LCA5: variants seen among roughly 807,000 people sequenced by gnomAD.
LCA5 encodes the protein lebercilin.
A neutral mutation model predicts 53.0 loss-of-function variants in LCA5; 37 were observed. The ratio of observed to expected loss-of-function variants is 0.70; its 90% CI spans 0.54 to 0.92. The LOEUF is 0.92. Among genes scored for constraint, LCA5 ranks in the 40% least tolerant of loss-of-function variants. The pLI is 0.00. For missense variants in LCA5, 806 were observed against 790.5 expected (o/e 1.02, Z -0.23); for synonymous variants, 303 against 282.9 (o/e 1.07, Z -0.71).
chr6:79,522,217 T>G (rs903226380), intron 1 of LCA5, among the ~76,000 whole-genome samples: 3 of 151,808 alleles, frequency 2.0e-5, no homozygotes, highest in Non-Finnish European at 2.9e-5. Flanking sequence ...AGTTAACAAA[T>G]AAAAAATAAA....
chr6:79,502,618 T>C (rs1030979466), intron 3 of LCA5, among the ~76,000 whole-genome samples: 1 of 152,164 alleles, frequency 6.6e-6, no homozygotes, highest in African/African-American at 2.4e-5. Flanking sequence ...TTAGTATCTT[T>C]TACAGTTTTT....
intron 3 of LCA5, among the ~76,000 whole-genome samples, chr6:79,494,419 T>C (rs1015196103): frequency 2.0e-5 from 3 of 152,154 alleles, no homozygotes; most frequent in Non-Finnish European, 4.4e-5. Flanking sequence ...ATAATTCATG[T>C]TGAAATATTT....
At chr6:79,505,304 T>C (rs1252157189) in intron 3 of LCA5, among the ~76,000 whole-genome samples, 2 of 152,142 alleles carry the variant, frequency 1.3e-5, no homozygotes, top group East Asian at 3.9e-4. Flanking sequence ...GGTAAAAATA[T>C]ACATAAATAA....
chr6:79,516,552 T>C (rs1328602374), intron 2 of LCA5, among the ~76,000 whole-genome samples: 5 of 151,988 alleles, frequency 3.3e-5, no homozygotes, highest in Non-Finnish European at 1.5e-5. Context: ...CCTAAAACTC[T>C]GAGTATAAAT....
intron 3 of LCA5, among the ~76,000 whole-genome samples, chr6:79,497,950 C>T (rs1445878535): frequency 4.5e-5 from 6 of 132,640 alleles, no homozygotes; most frequent in African/African-American, 1.8e-4. Context: ...GAGTGAGACT[C>T]CATCTCAAAA....
intron 1 of LCA5, among the ~76,000 whole-genome samples, chr6:79,530,965 T>C (rs551235433): frequency 6.6e-6 from 1 of 152,266 alleles, no homozygotes; most frequent in South Asian, 2.1e-4. Flanking sequence ...AAAACTACTA[T>C]AGCTCAACAA....
chr6:79,488,240 C>T (rs1769729259), intron 7 of LCA5: 2 of 173,534 alleles, frequency 1.2e-5, no homozygotes, highest in African/African-American at 4.8e-5. Context: ...CTGAGATAGA[C>T]TTATGTGGTA....
At position 79,487,372 on chromosome 6, in the gene LCA5, A is replaced by G; in HGVS notation, c.1726T>C (p.Phe576Leu). 6.2e-7 allele frequency: 1 copy of G among 1,612,834 alleles called. No homozygotes were observed. Among genetic ancestry groups the G allele is most frequent in the South Asian group, 1.1e-5 (1 of 90,798 alleles). Residue 576 changes from phenylalanine (F) to leucine (L), a missense_variant, in exon 8 of 8, where the codon TTT becomes CTT. Phe to Leu is a conservative substitution (Grantham distance 22). Transcript: ENST00000369846. Reference protein sequence around the residue: ...RSNPFSQKSSFLDFQRNSMEK... With the variant: ...RSNPFSQKSSLLDFQRNSMEK... ...ATACTGTTTCTTTGGAAATCCAAAAAACTACTTTTTTGACTAAATGGATTT... is the reference window on the plus strand; with the variant it reads ...ATACTGTTTCTTTGGAAATCCAAAAGACTACTTTTTTGACTAAATGGATTT...
rs1265550919 is a variant in LCA5, at chr6:79,537,307, GTGCCGAGGT to G, written c.-343_-335del. The G allele has an allele frequency of 1.3e-5, 2 of 152,866 alleles. No individual in the cohort carries two copies. Among genetic ancestry groups the G allele is most frequent in the Admixed American group, 6.5e-5 (1 of 15,296 alleles). The allele number at this position is 152,866 out of a possible 1,614,324, so 9.5% of individuals were successfully genotyped here. ...GGTTCCTGCGGAGGCTGCCGGGCGG[GTGCCGAGGT>G]TGCCGAGATGCGGGAGGTTTGAACA... is the stretch of plus-strand genomic sequence containing the variant. On this transcript the variant is annotated 5_prime_UTR_variant, in exon 1 of 8. Transcript: ENST00000369846.
At position 79,513,397 on chromosome 6, in the gene LCA5, G is replaced by C; in HGVS notation, c.535C>G (p.Gln179Glu). ...TTCTCAGTTGCCCGTTCTTTCTCTT[G>C]AGATTTTCTTAAGCGTTCTTTGAGT... is the stretch of plus-strand genomic sequence containing the variant. ...TALKERLRKS[Q>E]EKERATEKRV... Residue 179 changes from glutamine (Q) to glutamate (E), a missense_variant, in exon 3 of 8, where the codon CAA becomes GAA. Physicochemically the swap from Gln to Glu is conservative, Grantham distance 29. Coordinates refer to ENST00000369846, the MANE Select transcript of LCA5 (RefSeq NM_001122769.3). 6.2e-7 allele frequency: 1 copy of C among 1,613,768 alleles called. No homozygotes were observed. Among genetic ancestry groups the C allele is most frequent in the Non-Finnish European group, 8.5e-7 (1 of 1,179,886 alleles).
rs541922253 is a variant in LCA5, at chr6:79,496,547, A to C, written c.721-2797T>G. On this transcript the variant is annotated intron_variant, in intron 3 of 7. Coordinates refer to ENST00000369846, the MANE Select transcript of LCA5 (RefSeq NM_001122769.3). ...ATACTTGCAACATGTTTGAAACTCA[A>C]AATAGTTTTGCTAAAGAAACCAGGA... Among the ~76,000 whole-genome samples the C allele has an allele frequency of 2.0e-5, 3 of 152,330 alleles. No homozygotes were observed. In the South Asian group the frequency reaches 6.2e-4, roughly 32 times the overall value.
intron 3 of LCA5, among the ~76,000 whole-genome samples, chr6:79,503,506 G>A (rs955494583): frequency 1.3e-5 from 2 of 152,134 alleles, no homozygotes; most frequent in African/African-American, 4.8e-5. Context: ...GAAAACCACT[G>A]CACTAAATTA....
At chr6:79,537,896 A>G (rs978409065), upstream of LCA5, among the ~76,000 whole-genome samples, 1 of 150,924 alleles carries the variant, frequency 6.6e-6, no homozygotes, top group Non-Finnish European at 1.5e-5. Context: ...TGAGTGCACT[A>G]TTGTTCCTGC....
At chr6:79,497,106 A>C (rs796689265) in intron 3 of LCA5, among the ~76,000 whole-genome samples, 15 of 152,348 alleles carry the variant, frequency 9.8e-5, no homozygotes, top group African/African-American at 3.6e-4. Flanking sequence ...AAAACAAAAC[A>C]AGCAAAAAAG....
chr6:79,499,598 ACAAT>A (rs1249446940), intron 3 of LCA5, among the ~76,000 whole-genome samples: 4 of 131,330 alleles, frequency 3.0e-5, no homozygotes, highest in Admixed American at 7.5e-5. Flanking sequence ...AATTAAAGAA[ACAAT>A]CAATAAGGAA....
intron 3 of LCA5, among the ~76,000 whole-genome samples, chr6:79,497,190 G>C (rs11965020): frequency 0.12 from 18,089 of 152,158 alleles, 1,196 homozygotes; most frequent in Non-Finnish European, 0.13. Flanking sequence ...TACCGGATCA[G>C]AAAAGAATCA....
intron 3 of LCA5, among the ~76,000 whole-genome samples, chr6:79,496,093 C>T (rs58352365): frequency 2.0e-5 from 3 of 152,098 alleles, no homozygotes; most frequent in East Asian, 3.9e-4. Context: ...GCTTCAATAT[C>T]GTAAGTCATA....
intron 1 of LCA5, among the ~76,000 whole-genome samples, chr6:79,531,891 C>T (rs1301641598): frequency 6.6e-6 from 1 of 152,162 alleles, no homozygotes; most frequent in East Asian, 1.9e-4. Flanking sequence ...CACATGTTAT[C>T]TACACTCTCT....
At position 79,487,933 on chromosome 6, in the gene LCA5, C is replaced by A. The variant is rs1562093656; in HGVS notation, c.1232-67G>T. 5.7e-6 allele frequency: 7 copies of A among 1,228,890 alleles called. No homozygotes were observed. In the East Asian group the frequency reaches 1.7e-4, roughly 30 times the overall value. The allele number at this position is 1,228,890 out of a possible 1,614,324, so 76.1% of individuals were successfully genotyped here. ...CAATATTTTTAAATAGGAAAACTAT[C>A]AACTTTCATAAAACCACCATATTTA... On this transcript the variant is annotated intron_variant, in intron 7 of 7. Coordinates refer to ENST00000369846, the MANE Select transcript of LCA5 (RefSeq NM_001122769.3).
Sources: allele counts gnomAD v4.1 joint callset (sites outside exome capture counted in the v4.1 genomes callset), GRCh38; gene constraint gnomAD v4.1.1; transcripts MANE v1.5; gene names NCBI Gene and HGNC (gene_info 2026-07-23, HGNC 2026-07-21).